Variants in COG6 observed in about 807,000 individuals in gnomAD.
The protein encoded by COG6 is conserved oligomeric Golgi complex subunit 6.
A neutral mutation model predicts 88.8 loss-of-function variants in COG6; 74 were observed. The observed-to-expected ratio is 0.83, with a 90% confidence interval of 0.69 to 1.01. The LOEUF (loss-of-function observed/expected upper bound fraction) is 1.01, where lower values mean the gene tolerates loss of function less well. Among genes scored for constraint, COG6 ranks in the 50% least tolerant of loss-of-function variants. COG6 has a pLI of 0.00. For synonymous variants in COG6, 286 were observed against 278.7 expected (o/e 1.03, Z -0.26); for missense variants, 800 against 797.9 (o/e 1.00, Z -0.03).
At chr13:39,717,975 ATTC>A (rs1878622078) in intron 13 of COG6, among the ~76,000 whole-genome samples, 1 of 152,138 alleles carries the variant, frequency 6.6e-6, no homozygotes, top group African/African-American at 2.4e-5. Context: ...CTTTATTGAT[ATTC>A]TTTATTTGGT....
chr13:39,699,764 A>G (rs754843187), intron 13 of COG6, 146 bp downstream of exon 13: 2 of 625,734 alleles, frequency 3.2e-6, no homozygotes, highest in African/African-American at 1.8e-5. Flanking sequence ...TCATTTTGAG[A>G]TGGCTTACTG....
intron 15 of COG6, among the ~76,000 whole-genome samples, chr13:39,723,084 C>T (rs572722810): frequency 6.6e-6 from 1 of 152,096 alleles, no homozygotes; most frequent in East Asian, 1.9e-4. Context: ...TTATTAGCAG[C>T]TTTTAAAAGG....
intron 13 of COG6, 73 bp downstream of exon 13, chr13:39,699,691 T>C (rs1877468409): frequency 1.3e-6 from 1 of 794,018 alleles, no homozygotes; most frequent in Non-Finnish European, 2.2e-6. Flanking sequence ...ATTTTTGTAT[T>C]GATTGATAAC....
At chr13:39,736,253 C>T (rs1189446738) in intron 18 of COG6, among the ~76,000 whole-genome samples, 2 of 151,794 alleles carry the variant, frequency 1.3e-5, no homozygotes, top group Non-Finnish European at 2.9e-5. Flanking sequence ...TCTTCAAGCT[C>T]AGTAGTTCTT....
At chr13:39,700,607 A>T (rs1337900321) in intron 13 of COG6, among the ~76,000 whole-genome samples, 1 of 151,948 alleles carries the variant, frequency 6.6e-6, no homozygotes, top group Admixed American at 6.6e-5. Flanking sequence ...TAATTTATAC[A>T]TGATACACAA....
chr13:39,725,300 C>T lies in COG6; in HGVS notation c.1746+739C>T, dbSNP rs1453134153. Reference sequence around the variant, plus strand: ...TTTTCCCTGTATTAACTCTTTAATCCTCATGACAACCCCATTCAATCCAGG... The same window carrying T: ...TTTTCCCTGTATTAACTCTTTAATCTTCATGACAACCCCATTCAATCCAGG... On this transcript the variant is annotated intron_variant, in intron 17 of 18. Transcript: ENST00000455146. 3.9e-5 allele frequency among the ~76,000 whole-genome samples: 6 copies of T among 151,930 alleles called. No individual in the cohort carries two copies. The East Asian group carries it at 1.2e-3, about 29-fold the overall frequency.
chr13:39,659,299 G>A, intron 1 of COG6, 65 bp from the exon 2 acceptor site: 1 of 1,427,924 alleles, frequency 7.0e-7, no homozygotes, highest in South Asian at 1.2e-5. Flanking sequence ...ATTACATTTT[G>A]TCTTGAGATT....
intron 12 of COG6, 129 bp downstream of exon 12, chr13:39,694,854 T>C: frequency 1.8e-6 from 1 of 570,166 alleles, no homozygotes. Context: ...GCGTAACTAG[T>C]AGGACTTCCA....
intron 1 of COG6, 138 bp downstream of exon 1, chr13:39,656,017 C>T (rs1001275753): frequency 1.8e-6 from 2 of 1,115,914 alleles, no homozygotes; most frequent in Non-Finnish European, 2.7e-6. Context: ...GACCTGCGGG[C>T]TCCGCTGCTC....
chr13:39,761,410 G>A (rs951466876), intron 18 of COG6, among the ~76,000 whole-genome samples: 1 of 151,934 alleles, frequency 6.6e-6, no homozygotes, highest in Non-Finnish European at 1.5e-5. Flanking sequence ...TTAAATGTAA[G>A]ACCTGAAAGT....
intron 11 of COG6, among the ~76,000 whole-genome samples, chr13:39,692,094 A>G (rs1877010257): frequency 6.6e-6 from 1 of 152,042 alleles, no homozygotes; most frequent in Non-Finnish European, 1.5e-5. Flanking sequence ...AGTAGATTAA[A>G]TATTTGTAAA....
At chr13:39,658,438 A>G (rs1286583456) in intron 1 of COG6, among the ~76,000 whole-genome samples, 4 of 152,002 alleles carry the variant, frequency 2.6e-5, no homozygotes, top group African/African-American at 9.7e-5. Flanking sequence ...CCACCGTGCC[A>G]TATTTTGGAA....
chr13:39,754,661 AT>A (rs561998883), downstream of COG6, among the ~76,000 whole-genome samples: 153 of 152,096 alleles, frequency 1.0e-3, no homozygotes, highest in African/African-American at 3.2e-3. Flanking sequence ...TATGAGAGCT[AT>A]TTTTTTTCAT....
rs1420714426 is a variant in COG6, at chr13:39,655,714, G to C, written c.-13G>C. 1 of 1,585,744 alleles carries C rather than the reference G, an allele frequency of 6.3e-7. No homozygotes were observed. The highest frequency in any genetic ancestry group is 1.3e-5 in the African/African-American group (1 of 74,226). On this transcript the variant is annotated 5_prime_UTR_variant, in exon 1 of 19. Coordinates refer to ENST00000455146, the MANE Select transcript of COG6 (RefSeq NM_020751.3). ...TGGCTGAGGTGGCAGCAGGGGGCGG[G>C]ACGCGCAGCGCTATGGCAGAGGGCA...
intron 18 of COG6, among the ~76,000 whole-genome samples, chr13:39,784,525 T>A (rs1346652471): frequency 6.6e-6 from 1 of 152,220 alleles, no homozygotes; most frequent in Non-Finnish European, 1.5e-5. Flanking sequence ...TAGAACACAG[T>A]AGACAGTTCA....
chr13:39,668,819 A>G (rs1231575343), intron 4 of COG6, among the ~76,000 whole-genome samples: 2 of 152,028 alleles, frequency 1.3e-5, no homozygotes, highest in Non-Finnish European at 2.9e-5. Flanking sequence ...AAAAGAAACA[A>G]TACAGAGATC....
intron 17 of COG6, among the ~76,000 whole-genome samples, chr13:39,725,151 A>G (rs1339248981): frequency 6.6e-6 from 1 of 151,842 alleles, no homozygotes; most frequent in Non-Finnish European, 1.5e-5. Flanking sequence ...ATTGTATGAT[A>G]TTTAAGTCAT....
intron 18 of COG6, among the ~76,000 whole-genome samples, chr13:39,735,907 G>T: frequency 6.6e-6 from 1 of 151,916 alleles, no homozygotes; most frequent in Non-Finnish European, 1.5e-5. Context: ...TTTGTAGGTT[G>T]TTTCTTTTCT....
At chr13:39,759,103 A>G (rs905917239) in intron 18 of COG6, among the ~76,000 whole-genome samples, 1 of 152,168 alleles carries the variant, frequency 6.6e-6, no homozygotes, top group Non-Finnish European at 1.5e-5. Context: ...GCTAACAGGT[A>G]CTTTTTGGAG....
Sources: gnomAD v4.1 joint callset for allele counts (sites outside exome capture counted in the v4.1 genomes callset) on GRCh38, gnomAD v4.1.1 for gene constraint, MANE v1.5 for transcripts, NCBI Gene and HGNC (gene_info 2026-07-23, HGNC 2026-07-21) for gene names.